Variants in CCDC178 observed in about 807,000 individuals in gnomAD.
CCDC178 encodes the protein coiled-coil domain-containing protein 178.
Under a neutral mutation model 117.4 loss-of-function variants are expected in CCDC178, and 126 were observed. That is an observed-to-expected ratio of 1.07 (90% CI 0.93 to 1.24). CCDC178 has a LOEUF of 1.24. CCDC178 is among the 50% of genes most tolerant of loss of function. The pLI is 0.00. For missense variants in CCDC178, 1,030 were observed against 986.9 expected (o/e 1.04, Z -0.59); for synonymous variants, 283 against 313.4 (o/e 0.90, Z 1.02).
At chr18:33,322,805 T>C (rs988549251) in intron 11 of CCDC178, among the ~76,000 whole-genome samples, 6 of 151,344 alleles carry the variant, frequency 4.0e-5, no homozygotes, top group Non-Finnish European at 7.4e-5. Context: ...GTTATCTAGG[T>C]TGTGAAATTT....
chr18:33,338,783 T>C (rs1020113022), intron 9 of CCDC178, among the ~76,000 whole-genome samples: 7 of 151,990 alleles, frequency 4.6e-5, no homozygotes, highest in African/African-American at 1.7e-4. Flanking sequence ...AGACTACACA[T>C]TGTGTACACA....
intron 20 of CCDC178, among the ~76,000 whole-genome samples, chr18:33,193,308 A>C (rs1231488039): frequency 6.7e-6 from 1 of 149,968 alleles, no homozygotes; most frequent in South Asian, 2.1e-4. Context: ...AATCTAATAA[A>C]GAGGTCTGAG....
At chr18:32,980,191 T>A (rs1016002878) in intron 21 of CCDC178, among the ~76,000 whole-genome samples, 1 of 152,182 alleles carries the variant, frequency 6.6e-6, no homozygotes, top group African/African-American at 2.4e-5. Context: ...CTAACCACAT[T>A]TAATTTTTTT....
At chr18:33,127,952 A>T (rs1273952775) in intron 20 of CCDC178, among the ~76,000 whole-genome samples, 1 of 152,152 alleles carries the variant, frequency 6.6e-6, no homozygotes, top group East Asian at 1.9e-4. Flanking sequence ...AGAGGAGGAA[A>T]AGGTACCGTC....
intron 12 of CCDC178, among the ~76,000 whole-genome samples, chr18:33,275,425 G>A (rs2059936385): frequency 6.7e-6 from 1 of 149,592 alleles, no homozygotes; most frequent in Non-Finnish European, 1.5e-5. Context: ...AATATTGTTT[G>A]CAGTAGTTAC....
At chr18:33,369,866 C>G (rs2144756691) in intron 6 of CCDC178, among the ~76,000 whole-genome samples, 184 bp downstream of exon 6, 1 of 152,050 alleles carries the variant, frequency 6.6e-6, no homozygotes, top group South Asian at 2.1e-4. Flanking sequence ...TCGTTTCACC[C>G]TTCTGGAGTG....
chr18:33,034,667 C>T (rs2056408632), intron 21 of CCDC178, among the ~76,000 whole-genome samples: 1 of 151,978 alleles, frequency 6.6e-6, no homozygotes, highest in African/African-American at 2.4e-5. Flanking sequence ...CTCATAGTGT[C>T]TTTGTTGTGT....
At chr18:33,040,098 C>A (rs1309605951) in intron 21 of CCDC178, among the ~76,000 whole-genome samples, 1 of 151,734 alleles carries the variant, frequency 6.6e-6, no homozygotes, top group African/African-American at 2.4e-5. Context: ...TTCCATTTGA[C>A]TACAATTTGA....
At chr18:33,392,525 G>C (rs950185752) in intron 4 of CCDC178, among the ~76,000 whole-genome samples, 1 of 152,164 alleles carries the variant, frequency 6.6e-6, no homozygotes, top group Non-Finnish European at 1.5e-5. Flanking sequence ...TTTGTGGTAT[G>C]TCCAGAGTAT....
At chr18:33,242,334 A>G (rs996380494) in intron 15 of CCDC178, among the ~76,000 whole-genome samples, 1 of 151,898 alleles carries the variant, frequency 6.6e-6, no homozygotes, top group East Asian at 1.9e-4. Context: ...GCTTCAGAAC[A>G]TTGGCCCAAG....
At chr18:33,295,049 A>T (rs2062090077) in intron 11 of CCDC178, among the ~76,000 whole-genome samples, 1 of 152,190 alleles carries the variant, frequency 6.6e-6, no homozygotes, top group African/African-American at 2.4e-5. Flanking sequence ...GAATCACTCT[A>T]CCTGTTGTTA....
chr18:33,143,128 AC>A (rs1202171192), intron 20 of CCDC178, among the ~76,000 whole-genome samples: 1 of 152,028 alleles, frequency 6.6e-6, no homozygotes, highest in East Asian at 1.9e-4. Flanking sequence ...GATATAGAAA[AC>A]CCTTTTCCTC....
intron 20 of CCDC178, among the ~76,000 whole-genome samples, chr18:33,207,934 T>A (rs987172910): frequency 2.0e-5 from 3 of 152,034 alleles, no homozygotes; most frequent in Admixed American, 6.6e-5. Context: ...TTCCTCTATA[T>A]TCTAGTGCTA....
chr18:33,250,059 T>C (rs12606790), intron 14 of CCDC178, among the ~76,000 whole-genome samples: 137,695 of 151,788 alleles, frequency 0.91, 62,613 homozygotes, highest in East Asian at 1. Flanking sequence ...CATGATTTGG[T>C]TCTCTCTTTA....
intron 9 of CCDC178, among the ~76,000 whole-genome samples, chr18:33,337,022 A>G (rs1231231802): frequency 6.6e-6 from 1 of 152,032 alleles, no homozygotes. Flanking sequence ...GATTCTATCC[A>G]TCCATGAGCA....
At chr18:33,179,916 G>GT (rs1315467711) in intron 20 of CCDC178, among the ~76,000 whole-genome samples, 1 of 151,644 alleles carries the variant, frequency 6.6e-6, no homozygotes, top group Non-Finnish European at 1.5e-5. Flanking sequence ...TTTTTGGCTT[G>GT]TTTTTTTCTG....
chr18:33,115,125 T>C (rs183858474), intron 20 of CCDC178, among the ~76,000 whole-genome samples: 95 of 152,194 alleles, frequency 6.2e-4, no homozygotes, highest in Middle Eastern at 3.4e-3. Flanking sequence ...AATGCTATTC[T>C]TCCTTGCTTG....
chr18:33,076,839 G>C (rs572124946), intron 21 of CCDC178, among the ~76,000 whole-genome samples: 61 of 152,240 alleles, frequency 4.0e-4, no homozygotes, highest in Middle Eastern at 3.4e-3. Flanking sequence ...GCTTGGAGCT[G>C]CTAATAGGAT....
intron 20 of CCDC178, among the ~76,000 whole-genome samples, chr18:33,170,317 G>T (rs1002972203): frequency 1.3e-5 from 2 of 151,932 alleles, no homozygotes; most frequent in African/African-American, 2.4e-5. Context: ...AAATGTTTCT[G>T]TTTTCTTGTT....
Sources: allele counts gnomAD v4.1 joint callset (sites outside exome capture counted in the v4.1 genomes callset), GRCh38; gene constraint gnomAD v4.1.1; transcripts MANE v1.5; gene names NCBI Gene and HGNC (gene_info 2026-07-23, HGNC 2026-07-21).